Variants in RAB1A observed in about 807,000 individuals in gnomAD.
RAB1A encodes ras-related protein Rab-1A.
A neutral mutation model predicts 26.0 loss-of-function variants in RAB1A; 2 were observed. That is an observed-to-expected ratio of 0.08 (90% CI 0.03 to 0.24). The LOEUF (loss-of-function observed/expected upper bound fraction) is 0.24. Ranked by LOEUF, RAB1A falls within the 10% of genes least tolerant of loss-of-function variation. The pLI, the probability that RAB1A is intolerant of heterozygous loss-of-function variation, is 1.00. For synonymous variants in RAB1A, 84 were observed against 84.9 expected, an observed-to-expected ratio of 0.99 and a Z score of 0.06; for missense variants, 100 against 247.0, an observed-to-expected ratio of 0.40 and a Z score of 3.99.
chr2:65,116,017 G>A (rs924550619), intron 1 of RAB1A, among the ~76,000 whole-genome samples: 3 of 152,026 alleles, frequency 2.0e-5, no homozygotes, highest in Admixed American at 6.6e-5. Context: ...TTAGTTGGGC[G>A]TGGTGGTGGG....
At chr2:65,101,547 T>C (rs952477336) in intron 2 of RAB1A, among the ~76,000 whole-genome samples, 3 of 152,148 alleles carry the variant, frequency 2.0e-5, no homozygotes, top group Non-Finnish European at 4.4e-5. Context: ...AGGGTTTTCC[T>C]TGAGGCACAA....
At position 65,094,054 on chromosome 2, in the gene RAB1A, T is replaced by G. The variant is rs531039135; in HGVS notation, c.193-2976A>C. 9.9e-5 allele frequency among the ~76,000 whole-genome samples: 15 copies of G among 151,598 alleles called. No homozygotes were observed. In the East Asian group the frequency reaches 2.5e-3, roughly 26 times the overall value. On this transcript the variant is annotated intron_variant, in intron 3 of 5. Coordinates refer to ENST00000409784, the MANE Select transcript of RAB1A (RefSeq NM_004161.5). ...GGCACAATCTTGGCTCACCGCAACC[T>G]CCATCTCCGGGCTCAAGCAATCCTC...
At chr2:65,124,336 G>A (rs577700189) in intron 1 of RAB1A, among the ~76,000 whole-genome samples, 44 of 152,292 alleles carry the variant, frequency 2.9e-4, no homozygotes, top group African/African-American at 9.9e-4. Context: ...GGCCCACCCA[G>A]TGCTTTGGAA....
At chr2:65,101,808 G>A (rs1339623433) in intron 2 of RAB1A, among the ~76,000 whole-genome samples, 1 of 128,956 alleles carries the variant, frequency 7.8e-6, no homozygotes, top group Non-Finnish European at 1.6e-5. Flanking sequence ...GGAGTGCAAT[G>A]GTGCGATCTC....
intron 1 of RAB1A, among the ~76,000 whole-genome samples, chr2:65,106,731 T>TA (rs1206293248): frequency 7.8e-6 from 1 of 127,888 alleles, no homozygotes; most frequent in Non-Finnish European, 1.7e-5. Context: ...TTTGAGATTT[T>TA]AAAATTTTTA....
At chr2:65,127,876 G>A (rs1670137186) in intron 1 of RAB1A, among the ~76,000 whole-genome samples, 1 of 152,142 alleles carries the variant, frequency 6.6e-6, no homozygotes, top group African/African-American at 2.4e-5. Flanking sequence ...TGGGACTACA[G>A]GTGCCCACCA....
chr2:65,123,587 T>A (rs564173172), intron 1 of RAB1A, among the ~76,000 whole-genome samples: 1 of 151,912 alleles, frequency 6.6e-6, no homozygotes, highest in African/African-American at 2.4e-5. Context: ...ATCCCAGCAA[T>A]TTGGCTGAGG....
At chr2:65,129,701 A>ACCCCTCCCCCGCGCGGCCG in intron 1 of RAB1A, among the ~76,000 whole-genome samples, 192 bp downstream of exon 1, 1 of 148,204 alleles carries the variant, frequency 6.7e-6, no homozygotes, top group African/African-American at 2.5e-5. Flanking sequence ...CTCCGGCCCG[A>ACCCCTCCCCCGCGCGGCCG]CCCCTCCCCC....
chr2:65,106,454 C>T (rs1294558914), intron 1 of RAB1A: 4 of 282,422 alleles, frequency 1.4e-5, no homozygotes, highest in South Asian at 5.8e-5. Flanking sequence ...CTTCTATAAG[C>T]GATTATCTTT....
intron 1 of RAB1A, among the ~76,000 whole-genome samples, chr2:65,119,625 T>C (rs17702413): frequency 0.048 from 7,113 of 149,528 alleles, 172 homozygotes; most frequent in South Asian, 0.087. Context: ...AATCAAATCA[T>C]ATATAAACTA....
chr2:65,102,746 T>C (rs79286001), intron 2 of RAB1A, among the ~76,000 whole-genome samples: 5,739 of 150,308 alleles, frequency 0.038, 152 homozygotes, highest in South Asian at 0.061. Context: ...GCCAACATGG[T>C]GAAACCCCAT....
intron 2 of RAB1A, among the ~76,000 whole-genome samples, chr2:65,102,015 G>A (rs889653467): frequency 6.6e-6 from 1 of 151,996 alleles, no homozygotes; most frequent in Admixed American, 6.6e-5. Context: ...TCTAAATGCT[G>A]GGATTACAGG....
chr2:65,110,902 T>C (rs1331079015), intron 1 of RAB1A, among the ~76,000 whole-genome samples: 1 of 151,674 alleles, frequency 6.6e-6, no homozygotes, highest in Non-Finnish European at 1.5e-5. Context: ...CACTACTGCA[T>C]TCCAACTTGG....
intron 3 of RAB1A, among the ~76,000 whole-genome samples, chr2:65,097,673 TAGGACA>T (rs1669324213): frequency 6.6e-6 from 1 of 152,206 alleles, no homozygotes; most frequent in Non-Finnish European, 1.5e-5. Flanking sequence ...ATTTGCAGTG[TAGGACA>T]AGGTAAACTT....
At chr2:65,094,550 C>T (rs1390129419) in intron 3 of RAB1A, among the ~76,000 whole-genome samples, 1 of 148,082 alleles carries the variant, frequency 6.8e-6, no homozygotes, top group Non-Finnish European at 1.5e-5. Flanking sequence ...CGCCATTGCA[C>T]TCCAGTCTGG....
chr2:65,115,685 C>G (rs369761914), intron 1 of RAB1A, among the ~76,000 whole-genome samples: 1 of 151,956 alleles, frequency 6.6e-6, no homozygotes, highest in Non-Finnish European at 1.5e-5. Flanking sequence ...GGTCTTTTCT[C>G]CAAATTTAAA....
chr2:65,117,627 T>C (rs1381337293), intron 1 of RAB1A, among the ~76,000 whole-genome samples: 3 of 152,138 alleles, frequency 2.0e-5, no homozygotes, highest in Admixed American at 2.0e-4. Flanking sequence ...AGTGCAGTGA[T>C]GCAATGTGGG....
At chr2:65,098,972 G>A (rs1232164572) in intron 2 of RAB1A, among the ~76,000 whole-genome samples, 1 of 151,104 alleles carries the variant, frequency 6.6e-6, no homozygotes, top group Non-Finnish European at 1.5e-5. Context: ...GAGTAGTAGG[G>A]ACTACAGGCG....
At chr2:65,106,397 TA>T (rs769811181) in intron 1 of RAB1A, 3 of 341,266 alleles carry the variant, frequency 8.8e-6, no homozygotes, top group African/African-American at 6.8e-5. Flanking sequence ...ACATAAAACT[TA>T]TTTTTTTTGT....
Sources: allele counts gnomAD v4.1 joint callset (sites outside exome capture counted in the v4.1 genomes callset), GRCh38; gene constraint gnomAD v4.1.1; transcripts MANE v1.5; gene names NCBI Gene and HGNC (gene_info 2026-07-23, HGNC 2026-07-21).